The following KIF22 variants were observed in gnomAD, a reference collection of about 807,000 sequenced individuals.
KIF22 encodes kinesin-like protein KIF22.
A neutral mutation model predicts 73.0 loss-of-function variants in KIF22; 62 were observed. The ratio of observed to expected loss-of-function variants is 0.85; its 90% CI spans 0.69 to 1.05. KIF22 has a LOEUF of 1.05. Among genes scored for constraint, KIF22 ranks in the 50% least tolerant of loss-of-function variants. The probability of loss-of-function intolerance (pLI) is 0.00; values close to 1 mark genes in which losing one functional copy is unlikely to be tolerated. For missense variants in KIF22, 854 were observed against 870.1 expected, an observed-to-expected ratio of 0.98 and a Z score of 0.23; for synonymous variants, 411 against 340.1, an observed-to-expected ratio of 1.21 and a Z score of -2.29.
chr16:29,793,181 G>A (rs961627056), intron 1 of KIF22, among the ~76,000 whole-genome samples: 1 of 152,146 alleles, frequency 6.6e-6, no homozygotes, highest in Admixed American at 6.5e-5. Flanking sequence ...CTGGGCTCAC[G>A]CCTGTAATCC....
At chr16:29,795,747 GATAAAA>G (rs1898933300) in intron 1 of KIF22, among the ~76,000 whole-genome samples, 1 of 151,844 alleles carries the variant, frequency 6.6e-6, no homozygotes, top group African/African-American at 2.4e-5. Context: ...GTTTTCTGAT[GATAAAA>G]ATAATTCAGT....
intron 8 of KIF22, among the ~76,000 whole-genome samples, chr16:29,801,575 C>T (rs904275607): frequency 6.6e-6 from 1 of 152,188 alleles, no homozygotes; most frequent in Non-Finnish European, 1.5e-5. Context: ...CAGACAGGCA[C>T]TCTGAGTAAG....
rs767648692 is a variant in KIF22 at position 29,804,953 on chromosome 16, G to A, written c.1817G>A (p.Ser606Asn). Residue 606 changes from serine (S) to asparagine (N), a missense_variant, in exon 12 of 14, where the codon AGT becomes AAT. By Grantham distance (46) the Ser-to-Asn change is conservative. Coordinates refer to ENST00000160827, the MANE Select transcript of KIF22 (RefSeq NM_007317.3). ...LNEGSARDLR[S>N]LQRIGPKKAQ... Reference sequence around the variant, plus strand: ...GAAGGCTCAGCCCGAGATCTCCGCAGTCTTCAGCGCATTGGCCCGAAGAAG... The same window carrying A: ...GAAGGCTCAGCCCGAGATCTCCGCAATCTTCAGCGCATTGGCCCGAAGAAG... 2 of 1,613,190 alleles carry A rather than the reference G, an allele frequency of 1.2e-6. No homozygotes were observed. The highest frequency in any genetic ancestry group is 1.7e-5 in the Admixed American group (1 of 59,986).
In KIF22 at chr16:29,799,001, G is replaced by C. The variant is rs11545431; in HGVS notation, c.576G>C (p.Ser192=). The change falls in exon 5 of 14, where the codon TCG becomes TCC. Residue 192 remains serine, a synonymous_variant. Coordinates refer to ENST00000160827, the MANE Select transcript of KIF22 (RefSeq NM_007317.3). ...EKVLDLLDPA[S]GDLVIREDCR... is the part of the protein sequence containing the mutation. ...TATTAGACCTCCTGGACCCTGCTTC[G>C]GGAGACCTGGTAATCCGAGAAGACT... The C allele has an allele frequency of 2.9e-3, 4,753 of 1,614,140 alleles. 137 individuals carry two copies. The African/African-American group carries it at 0.056, about 19-fold the overall frequency.
chr16:29,801,603 G>A (rs572432853), intron 8 of KIF22, among the ~76,000 whole-genome samples: 1 of 152,256 alleles, frequency 6.6e-6, no homozygotes, highest in South Asian at 2.1e-4. Context: ...TCAGAGTTGG[G>A]CACATCAAAC....
chr16:29,792,258 T>C (rs911941733), intron 1 of KIF22, among the ~76,000 whole-genome samples: 2 of 152,228 alleles, frequency 1.3e-5, no homozygotes, highest in Admixed American at 6.5e-5. Context: ...AATTAATAAT[T>C]GCTAGCCTGG....
At chr16:29,803,217 G>A (rs1567361672) in intron 9 of KIF22, among the ~76,000 whole-genome samples, 1 of 152,212 alleles carries the variant, frequency 6.6e-6, no homozygotes, top group Admixed American at 6.5e-5. Flanking sequence ...GACTGTGCTT[G>A]AAAAGCCTTT....
In KIF22 at chr16:29,805,011, C is replaced by T. The variant is rs752878228; in HGVS notation, c.1875C>T (p.His625=). ...TAATCGTGGGCTGGCGGGAGCTCCA[C>T]GGCCCCTTCAGCCAGGTAGCAGCCC... The part of the protein sequence containing the change: ...AQLIVGWREL[H]GPFSQVEDLE... Residue 625 remains histidine (H), a synonymous_variant, in exon 12 of 14, where the codon CAC becomes CAT. Coordinates refer to ENST00000160827, the MANE Select transcript of KIF22 (RefSeq NM_007317.3). 2.5e-6 allele frequency: 4 copies of T among 1,603,660 alleles called. No homozygotes were observed. In the African/African-American group the frequency reaches 5.4e-5, roughly 22 times the overall value.
At position 29,799,771 on chromosome 16, in the gene KIF22, G is replaced by T; in HGVS notation, c.1134G>T (p.Leu378=). ...ATCGGCCTTTTACCAATGAGAGCCT[G>T]CAGCCTCATGGTGAGAACTGGGGGA... is the stretch of plus-strand genomic sequence containing the variant. The part of the protein sequence containing the change: ...VINRPFTNES[L]QPHALGPVKL... The change falls in exon 7 of 14, where the codon CTG becomes CTT. Residue 378 remains leucine, a synonymous_variant. Coordinates refer to ENST00000160827, the MANE Select transcript of KIF22 (RefSeq NM_007317.3). The T allele has an allele frequency of 6.2e-7, 1 of 1,613,676 alleles. No individual in the cohort carries two copies. The highest frequency in any genetic ancestry group is 8.5e-7 in the Non-Finnish European group (1 of 1,179,750).
intron 10 of KIF22, 30 bp from the exon 11 acceptor site, chr16:29,803,968 C>T (rs1899239290): frequency 6.3e-7 from 1 of 1,582,918 alleles, no homozygotes; most frequent in Admixed American, 1.7e-5. Flanking sequence ...ACCCTTTGCC[C>T]TGACTCCAAT....
At position 29,797,200 on chromosome 16, in the gene KIF22, C is replaced by T. The variant is rs1368028340; in HGVS notation, c.266+112C>T. ...GCTCCCTCCTTAGCACCGCTTTGTT[C>T]CCTGAGCCTTCACTGTTCACTTAGG... is the stretch of plus-strand genomic sequence containing the variant. On this transcript the variant is annotated intron_variant, in intron 2 of 13. Transcript: ENST00000160827. The surrounding 1 kb of genome is among the most constrained non-coding windows in gnomAD (Gnocchi z 4.1). 2.6e-6 allele frequency: 2 copies of T among 765,934 alleles called. No individual in the cohort carries two copies. Among genetic ancestry groups the T allele is most frequent in the African/African-American group, 1.8e-5 (1 of 56,136 alleles). 47.4% of individuals were successfully genotyped at this position (765,934 alleles called of 1,614,324 possible).
rs777996994 is a variant in KIF22 at position 29,790,772 on chromosome 16, G to T, written c.13G>T (p.Gly5Cys). The T allele has an allele frequency of 3.1e-6, 5 of 1,598,234 alleles. No individual in the cohort carries two copies. Among genetic ancestry groups the T allele is most frequent in the East Asian group, 2.3e-5 (1 of 44,290 alleles). ...AGGAGGGAGTGGAATGGCCGCGGGC[G>T]GCTCGACGCAGCAGAGGCGACGCGA... MAAG[G>C]STQQRRREMA... The change falls in exon 1 of 14, where the codon GGC becomes TGC. Residue 5 changes from glycine to cysteine, a missense_variant. Coordinates refer to ENST00000160827, the MANE Select transcript of KIF22 (RefSeq NM_007317.3).
chr16:29,804,906 A>G lies in KIF22; in HGVS notation c.1770A>G (p.Gln590=). The change falls in exon 12 of 14, where the codon CAA becomes CAG. Residue 590 remains glutamine (Q), a synonymous_variant. Coordinates refer to ENST00000160827, the MANE Select transcript of KIF22 (RefSeq NM_007317.3). ...CGGAGCTACTGGCTCATGGGCGCCA[A>G]AAAATACTGGATCTGCTGAACGAAG... ...ISPELLAHGR[Q]KILDLLNEGS... 6.2e-7 allele frequency: 1 copy of G among 1,613,972 alleles called. No individual in the cohort carries two copies. The highest frequency in any genetic ancestry group is 8.5e-7 in the Non-Finnish European group (1 of 1,180,006).
In KIF22 at chr16:29,799,091, G is replaced by A; in HGVS notation, c.666G>A (p.Glu222=). The change falls in exon 5 of 14, where the codon GAG becomes GAA. Residue 222 remains glutamate, a synonymous_variant. Coordinates refer to ENST00000160827, the MANE Select transcript of KIF22 (RefSeq NM_007317.3). ...QKPISSFADF[E]RHFLPASRNR... ...CCATCAGTAGCTTTGCTGATTTTGA[G>A]CGGCACTTCCTGCCAGCCAGTCGAA... 4 of 1,614,166 alleles carry A rather than the reference G, an allele frequency of 2.5e-6. No homozygotes were observed. The highest frequency in any genetic ancestry group is 2.2e-5 in the South Asian group (2 of 91,088).
intron 8 of KIF22, 140 bp from the exon 9 acceptor site, chr16:29,802,629 G>A: frequency 2.6e-6 from 2 of 761,580 alleles, no homozygotes; most frequent in Non-Finnish European, 4.0e-6. Context: ...TGCACCCAGA[G>A]AAACTGGATG....
chr16:29,805,171 G>C lies in KIF22; in HGVS notation c.1947G>C (p.Leu649=). The C allele has an allele frequency of 1.2e-6, 2 of 1,614,092 alleles. No homozygotes were observed. The highest frequency in any genetic ancestry group is 1.6e-4 in the Middle Eastern group (1 of 6,062). Reference sequence around the variant, plus strand: ...CGGGGAAACAGATGGAGTCCTTCCTGAAGGTGAAGTCACGGCCCTGCCCCT... The same window carrying C: ...CGGGGAAACAGATGGAGTCCTTCCTCAAGGTGAAGTCACGGCCCTGCCCCT... ...GITGKQMESF[L]KANILGLAAG... is the part of the protein sequence containing the mutation. Residue 649 remains leucine, a synonymous_variant, in exon 13 of 14, where the codon CTG becomes CTC. Coordinates refer to ENST00000160827, the MANE Select transcript of KIF22 (RefSeq NM_007317.3).
chr16:29,805,115 G>GT lies in KIF22; in HGVS notation c.1892dup (p.Glu632GlyfsTer?). On this transcript the variant is annotated frameshift_variant and splice_region_variant, in exon 13 of 14. Coordinates refer to ENST00000160827, the MANE Select transcript of KIF22 (RefSeq NM_007317.3). LOFTEE classifies it high-confidence loss of function. ...TCCCCTATCGATCCTGTCCCGCCAG[G>GT]TGGAGGACCTGGAACGCGTGGAGGG... The GT allele has an allele frequency of 1.9e-6, 3 of 1,613,610 alleles. No individual in the cohort carries two copies. The highest frequency in any genetic ancestry group is 2.5e-6 in the Non-Finnish European group (3 of 1,179,970).
Position 29,790,782 on chromosome 16 carries a change from A to C in KIF22, c.23A>C (p.Gln8Pro), listed in dbSNP as rs764020056. 3.1e-6 allele frequency: 5 copies of C among 1,601,774 alleles called. No homozygotes were observed. In the African/African-American group the frequency reaches 5.3e-5, roughly 17 times the overall value. MAAGGST[Q>P]QRRREMAAAS... ...GGAATGGCCGCGGGCGGCTCGACGC[A>C]GCAGAGGCGACGCGAGATGGCGGCA... Residue 8 changes from glutamine to proline, a missense_variant, in exon 1 of 14, where the codon CAG (glutamine) becomes CCG (proline). Physicochemically the swap from Gln to Pro is moderately conservative, Grantham distance 76. Around this residue, in one of 3 missense-constraint regions of KIF22, gnomAD observed 186 missense variants for 152.9 expected, o/e 1.22. Coordinates refer to ENST00000160827, the MANE Select transcript of KIF22 (RefSeq NM_007317.3).
chr16:29,804,620 AG>A, intron 11 of KIF22, 193 bp from the exon 12 acceptor site: 1 of 698,604 alleles, frequency 1.4e-6, no homozygotes, highest in Non-Finnish European at 2.6e-6. Flanking sequence ...GGTACTGAGT[AG>A]TACCTCTCTT....
Sources: allele counts gnomAD v4.1 joint callset (sites outside exome capture counted in the v4.1 genomes callset), GRCh38; gene constraint gnomAD v4.1.1; regional missense constraint gnomAD v4.1.1; non-coding constraint Gnocchi (gnomAD v3.1); transcripts MANE v1.5; gene names NCBI Gene and HGNC (gene_info 2026-07-23, HGNC 2026-07-21).